The following ST14 variants were observed in gnomAD, a reference collection of about 807,000 sequenced individuals.
ST14 encodes the protein ST14 transmembrane serine protease matriptase.
In ST14, 40 loss-of-function variants were observed where a neutral mutation model predicts 96.5. The ratio of observed to expected loss-of-function variants is 0.41; its 90% CI spans 0.32 to 0.54. The LOEUF (loss-of-function observed/expected upper bound fraction) is 0.54. Ranked by LOEUF, ST14 falls within the 20% of genes least tolerant of loss-of-function variation. The probability of loss-of-function intolerance (pLI) is 0.17; values close to 1 mark genes in which losing one functional copy is unlikely to be tolerated. For synonymous variants in ST14, 506 were observed against 492.1 expected (o/e 1.03, Z -0.37); for missense variants, 1,066 against 1,188.9 (o/e 0.90, Z 1.52).
intron 1 of ST14, 78 bp downstream of exon 1, chr11:130,160,138 G>T (rs1952988001): frequency 1.9e-6 from 2 of 1,035,672 alleles, no homozygotes; most frequent in Admixed American, 4.2e-5. Flanking sequence ...GGGCTCGGCC[G>T]GCTCCCCTGG....
At chr11:130,191,412 G>C (rs941703032) in intron 7 of ST14, among the ~76,000 whole-genome samples, 2 of 152,166 alleles carry the variant, frequency 1.3e-5, no homozygotes, top group African/African-American at 4.8e-5. Flanking sequence ...TTTATGGGCC[G>C]GGCATGGTGG....
intron 14 of ST14, 110 bp from the exon 15 acceptor site, chr11:130,198,837 T>C: frequency 1.9e-6 from 3 of 1,603,288 alleles, no homozygotes; most frequent in Non-Finnish European, 2.5e-6. Flanking sequence ...GGGGCAGGCC[T>C]GGGTGAGGGG....
intron 16 of ST14, among the ~76,000 whole-genome samples, chr11:130,203,483 A>AATCTC (rs1320268367): frequency 6.6e-6 from 1 of 152,024 alleles, no homozygotes; most frequent in Non-Finnish European, 1.5e-5. Flanking sequence ...TGATCACCCC[A>AATCTC]ATCTCTTGCT....
chr11:130,167,720 T>G (rs1953054769), intron 1 of ST14, among the ~76,000 whole-genome samples: 1 of 149,904 alleles, frequency 6.7e-6, no homozygotes, highest in African/African-American at 2.4e-5. Context: ...GAGTGACTAT[T>G]TTTTTTTTTT....
In ST14 at chr11:130,184,776, A is replaced by C. The variant is rs148589937; in HGVS notation, c.82-3338A>C. Among the ~76,000 whole-genome samples, 408 of 152,370 alleles carry C rather than the reference A, an allele frequency of 2.7e-3. 2 individuals are homozygous for C. Among genetic ancestry groups the C allele is most frequent in the African/African-American group, 9.2e-3 (384 of 41,584 alleles). On this transcript the variant is annotated intron_variant, in intron 1 of 18. Transcript: ENST00000278742. ...ATGTGGGCTTGAGAACCCCAGGTAC[A>C]GAGGAAGGCTGTAGAGAGAGGTGAA... is the stretch of plus-strand genomic sequence containing the variant.
In ST14 at chr11:130,188,422, G is replaced by C; in HGVS notation, c.242-108G>C. 1 of 1,600,260 alleles carries C rather than the reference G, an allele frequency of 6.2e-7. No individual in the cohort carries two copies. The highest frequency in any genetic ancestry group is 1.1e-5 in the South Asian group (1 of 90,064). On this transcript the variant is annotated intron_variant, in intron 2 of 18. Coordinates refer to ENST00000278742, the MANE Select transcript of ST14 (RefSeq NM_021978.4). The surrounding 1 kb of genome is among the most constrained non-coding windows in gnomAD (Gnocchi z 5.4). ...GATGGGGAGTGATGGGAAGCAGTCA[G>C]GGCTGACCCATGGCCCCCTCCTGGC...
At chr11:130,190,801 C>T in intron 7 of ST14, 107 bp downstream of exon 7, 1 of 1,383,210 alleles carries the variant, frequency 7.2e-7, no homozygotes, top group Non-Finnish European at 9.6e-7. Flanking sequence ...TGGCCGCAGG[C>T]CACTGCTAAA....
chr11:130,174,197 C>T (rs534974733), intron 1 of ST14, among the ~76,000 whole-genome samples: 5 of 152,244 alleles, frequency 3.3e-5, no homozygotes, highest in South Asian at 2.1e-4. Flanking sequence ...CTGAGGTCTC[C>T]CAAGGGATTG....
Position 130,209,423 on chromosome 11 carries a change from C to G in ST14, c.2270-19C>G. The G allele has an allele frequency of 4.5e-6, 7 of 1,571,008 alleles. No homozygotes were observed. In the South Asian group the frequency reaches 4.7e-5, roughly 10 times the overall value. On this transcript the variant is annotated intron_variant, in intron 17 of 18. Transcript: ENST00000278742. ...CTCGAAGCAGCCCGGCTCTCAGCCC[C>G]GTCCTGCCCTCTCCCCAGGCACTGG... is the stretch of plus-strand genomic sequence containing the variant.
Position 130,188,761 on chromosome 11 carries a change from G to C in ST14, c.369+104G>C. ...CCTGTGCTCCCAGGGCCCTGGGATG[G>C]GGGTGATCTGCAAAGGGGACCCGGG... On this transcript the variant is annotated intron_variant, in intron 3 of 18. Coordinates refer to ENST00000278742, the MANE Select transcript of ST14 (RefSeq NM_021978.4). This position sits in a 1 kb window ranked among gnomAD's most constrained non-coding sequence, Gnocchi z 5.4. 1 of 1,605,384 alleles carries C rather than the reference G, an allele frequency of 6.2e-7. No homozygotes were observed. The highest frequency in any genetic ancestry group is 1.7e-5 in the Admixed American group (1 of 59,610).
At chr11:130,199,484 G>C (rs545735761) in intron 15 of ST14, among the ~76,000 whole-genome samples, 3 of 152,222 alleles carry the variant, frequency 2.0e-5, no homozygotes, top group Non-Finnish European at 2.9e-5. Context: ...GCTGGCCACA[G>C]GTTAGATTTG....
Position 130,188,186 on chromosome 11 carries a change from C to G in ST14, c.154C>G (p.Pro52Ala), listed in dbSNP as rs1816573085. Residue 52 changes from proline to alanine, a missense_variant, in exon 2 of 19, where the codon CCG (proline) becomes GCG (alanine). Coordinates refer to ENST00000278742, the MANE Select transcript of ST14 (RefSeq NM_021978.4). The surrounding 1 kb of genome is among the most constrained non-coding windows in gnomAD (Gnocchi z 5.4). ...CGTCAAGAAGGTGGAAAAGCATGGC[C>G]CGGGGCGCTGGGTGGTGCTGGCAGC... The part of the protein sequence containing the change: ...NNVKKVEKHG[P>A]GRWVVLAAVL... 6.2e-7 allele frequency: 1 copy of G among 1,614,182 alleles called. No individual in the cohort carries two copies. Among genetic ancestry groups the G allele is most frequent in the Non-Finnish European group, 8.5e-7 (1 of 1,180,038 alleles).
intron 11 of ST14, 78 bp downstream of exon 11, chr11:130,196,778 C>G: frequency 6.2e-7 from 1 of 1,601,190 alleles, no homozygotes; most frequent in South Asian, 1.1e-5. Context: ...TCGTTAGCAT[C>G]GTGCTTTGCT....
intron 1 of ST14, among the ~76,000 whole-genome samples, chr11:130,185,007 G>A (rs1565622167): frequency 6.6e-6 from 1 of 152,194 alleles, no homozygotes; most frequent in Non-Finnish European, 1.5e-5. Context: ...GCCAGTTGTG[G>A]CAAGGCATGC....
At chr11:130,185,992 G>A (rs1193824269) in intron 1 of ST14, among the ~76,000 whole-genome samples, 1 of 152,100 alleles carries the variant, frequency 6.6e-6, no homozygotes, top group Non-Finnish European at 1.5e-5. Flanking sequence ...ATTGTTAGTA[G>A]AGACAGGGTA....
chr11:130,182,619 T>C (rs915960631), intron 1 of ST14, among the ~76,000 whole-genome samples: 8 of 151,906 alleles, frequency 5.3e-5, no homozygotes, highest in Non-Finnish European at 1.2e-4. Context: ...AGTGCAAGTG[T>C]GAGCCACCAT....
At chr11:130,172,411 C>T (rs1277094783) in intron 1 of ST14, among the ~76,000 whole-genome samples, 2 of 88,288 alleles carry the variant, frequency 2.3e-5, no homozygotes, top group Non-Finnish European at 2.1e-5. Flanking sequence ...TGGCTGTCTT[C>T]TTTTTTTTTT....
At chr11:130,189,430 A>G in intron 4 of ST14, 1 of 498,398 alleles carries the variant, frequency 2.0e-6, no homozygotes. Flanking sequence ...AAACAGGCTC[A>G]GGAAGGTGAC....
At chr11:130,205,710 TG>T (rs66921157) in intron 16 of ST14, among the ~76,000 whole-genome samples, 55,282 of 108,396 alleles carry the variant, frequency 0.51, 17,786 homozygotes, top group South Asian at 0.7. Flanking sequence ...TTTTTTTTTT[TG>T]TTTTTTTTTT....
Sources: allele counts gnomAD v4.1 joint callset (sites outside exome capture counted in the v4.1 genomes callset), GRCh38; gene constraint gnomAD v4.1.1; non-coding constraint Gnocchi (gnomAD v3.1); transcripts MANE v1.5; gene names NCBI Gene and HGNC (gene_info 2026-07-23, HGNC 2026-07-21).